GYS1: variants seen among roughly 807,000 people sequenced by gnomAD.
The protein encoded by GYS1 is glycogen synthase 1.
Under a neutral mutation model 89.1 loss-of-function variants are expected in GYS1, and 60 were observed. The ratio of observed to expected loss-of-function variants is 0.67; its 90% confidence interval spans 0.55 to 0.84. The LOEUF is 0.84. Ranked by LOEUF, GYS1 falls within the 40% of genes least tolerant of loss-of-function variation. GYS1 has a pLI of 0.00. For synonymous variants in GYS1, 366 were observed against 401.7 expected, an observed-to-expected ratio of 0.91 and a Z score of 1.06; for missense variants, 888 against 1,003.1, an observed-to-expected ratio of 0.89 and a Z score of 1.55.
At chr19:48,977,624 T>C (rs1228543721) in intron 10 of GYS1, among the ~76,000 whole-genome samples, 1 of 151,948 alleles carries the variant, frequency 6.6e-6, no homozygotes, top group East Asian at 1.9e-4. Context: ...TAAAAATAAA[T>C]AAACAAATAA....
Position 48,991,517 on chromosome 19 carries a change from C to A in GYS1, c.119-34G>T. 6.2e-7 allele frequency: 1 copy of A among 1,612,582 alleles called. No individual in the cohort carries two copies. The highest frequency in any genetic ancestry group is 8.5e-7 in the Non-Finnish European group (1 of 1,179,250). On this transcript the variant is annotated intron_variant, in intron 1 of 15. Coordinates refer to ENST00000323798, the MANE Select transcript of GYS1 (RefSeq NM_002103.5). The surrounding 1 kb of genome is among the most constrained non-coding windows in gnomAD (Gnocchi z 4.7). Reference sequence around the variant, plus strand: ...CCAAGCGTGTGAGGGCAGGCCCCGGCCGAGGTCCATAGTTCTGGGGCCTGG... The same window carrying A: ...CCAAGCGTGTGAGGGCAGGCCCCGGACGAGGTCCATAGTTCTGGGGCCTGG...
Position 48,970,544 on chromosome 19 carries a change from AC to A in GYS1, c.1809+1del. 6.2e-7 allele frequency: 1 copy of A among 1,613,070 alleles called. No individual in the cohort carries two copies. Among genetic ancestry groups the A allele is most frequent in the Non-Finnish European group, 8.5e-7 (1 of 1,179,614 alleles). On this transcript the variant is annotated splice_donor_variant, in intron 14 of 15. Transcript: ENST00000323798. LOFTEE classifies it high-confidence loss of function. ...GAGAGGATAGGAAAGTGGGGGTCCT[AC>A]CCGGCCTAGGTATTTCCAGTCCAGA...
chr19:48,969,142 G>A lies in GYS1; in HGVS notation c.*146C>T, dbSNP rs113438180. The A allele has an allele frequency of 1.0e-5, 7 of 690,614 alleles. No individual in the cohort carries two copies. The highest frequency in any genetic ancestry group is 9.0e-5 in the African/African-American group (5 of 55,748). 42.8% of individuals were successfully genotyped at this position (690,614 alleles called of 1,614,324 possible). On this transcript the variant is annotated 3_prime_UTR_variant, in exon 16 of 16. Transcript: ENST00000323798. ...AGGAACTTGGAAACTGGAGCTGGAG[G>A]GGGTGGAGTGTTTGGCGGACTGGGT...
At chr19:48,978,875 G>GC (rs2038703421) in intron 8 of GYS1, among the ~76,000 whole-genome samples, 1 of 152,136 alleles carries the variant, frequency 6.6e-6, no homozygotes, top group Non-Finnish European at 1.5e-5. Context: ...TGAGGTGTGA[G>GC]CAGGGAAGCC....
At chr19:48,987,527 G>A in intron 2 of GYS1, 142 bp from the exon 3 acceptor site, 2 of 621,448 alleles carry the variant, frequency 3.2e-6, no homozygotes, top group Non-Finnish European at 5.5e-6. Context: ...CATATCTGCT[G>A]CTAATTTCTC....
At chr19:48,982,431 C>T in intron 6 of GYS1, 56 bp from the exon 7 acceptor site, 1 of 1,608,762 alleles carries the variant, frequency 6.2e-7, no homozygotes, top group Non-Finnish European at 8.5e-7. Flanking sequence ...TAGCCCTGGC[C>T]TCAAAACTAC....
At chr19:48,970,434 T>C in intron 14 of GYS1, 112 bp downstream of exon 14, 2 of 926,684 alleles carry the variant, frequency 2.2e-6, no homozygotes, top group Non-Finnish European at 3.5e-6. Flanking sequence ...GGTTCATTGC[T>C]TAAAGGGACA....
chr19:48,982,482 A>G, intron 6 of GYS1, 107 bp from the exon 7 acceptor site: 1 of 1,331,892 alleles, frequency 7.5e-7, no homozygotes, highest in Non-Finnish European at 1.1e-6. Flanking sequence ...AGGATGTCTT[A>G]GGTAATACAG....
intron 2 of GYS1, among the ~76,000 whole-genome samples, chr19:48,988,056 C>T (rs967603461): frequency 2.0e-5 from 3 of 152,318 alleles, no homozygotes; most frequent in African/African-American, 4.8e-5. Flanking sequence ...CCCGCCTCGG[C>T]GTCCCAAAGT....
At position 48,993,088 on chromosome 19, in the gene GYS1, T is replaced by C; in HGVS notation, c.25A>G (p.Met9Val). The C allele has an allele frequency of 1.2e-6, 2 of 1,610,264 alleles. No homozygotes were observed. The highest frequency in any genetic ancestry group is 1.7e-6 in the Non-Finnish European group (2 of 1,176,628). Reference sequence around the variant, plus strand: ...TCCTCCAGTCCTGGCAGTGAGGACATGGACAAAGTGCGGTTTAAAGGCATG... The same window carrying C: ...TCCTCCAGTCCTGGCAGTGAGGACACGGACAAAGTGCGGTTTAAAGGCATG... MPLNRTLSMSSLPGLEDWE... is the reference protein window; with the variant it reads MPLNRTLSVSSLPGLEDWE... The change falls in exon 1 of 16, where the codon ATG becomes GTG. Residue 9 changes from methionine (M) to valine (V), a missense_variant. Coordinates refer to ENST00000323798, the MANE Select transcript of GYS1 (RefSeq NM_002103.5).
At chr19:48,987,763 A>C (rs1368869071) in intron 2 of GYS1, among the ~76,000 whole-genome samples, 1 of 151,222 alleles carries the variant, frequency 6.6e-6, no homozygotes, top group Non-Finnish European at 1.5e-5. Context: ...CAGCCTCCCA[A>C]GTAGCTGGGA....
Position 48,969,246 on chromosome 19 carries a change from G to T in GYS1, c.*42C>A. 1 of 1,479,630 alleles carries T rather than the reference G, an allele frequency of 6.8e-7. No homozygotes were observed. Among genetic ancestry groups the T allele is most frequent in the South Asian group, 1.2e-5 (1 of 81,220 alleles). 91.7% of individuals were successfully genotyped at this position (1,479,630 alleles called of 1,614,324 possible). On this transcript the variant is annotated 3_prime_UTR_variant, in exon 16 of 16. Transcript: ENST00000323798. ...AGCACCCCTCTGCATCCTCTCTCTG[G>T]AGCAGAGAGGCAGGACAGGCGGGGA...
Position 48,974,736 on chromosome 19 carries a change from G to A in GYS1, c.1309-3C>T, listed in dbSNP as rs1272688135. The A allele has an allele frequency of 2.5e-6, 4 of 1,597,106 alleles. No homozygotes were observed. The African/African-American group carries it at 4.0e-5, about 16-fold the overall frequency. ...CACACAGGGGGGAAAGACTGCCGCT[G>A]CAGGAGCCACAAGAAGGGTAAGGGG... On this transcript the variant is annotated splice_polypyrimidine_tract_variant and splice_region_variant and intron_variant, in intron 10 of 15. Transcript: ENST00000323798.
chr19:48,986,697 A>T (rs1241515495), intron 3 of GYS1, among the ~76,000 whole-genome samples: 1 of 152,030 alleles, frequency 6.6e-6, no homozygotes, highest in Admixed American at 6.6e-5. Context: ...TGTTTAGTAA[A>T]GACGAGGTTT....
chr19:48,978,885 C>T (rs573145483), intron 8 of GYS1, among the ~76,000 whole-genome samples: 6 of 152,146 alleles, frequency 3.9e-5, no homozygotes, highest in East Asian at 1.9e-4. Flanking sequence ...GCAGGGAAGC[C>T]GTGCCCTGGG....
intron 12 of GYS1, among the ~76,000 whole-genome samples, chr19:48,971,347 T>C (rs2038562932): frequency 1.3e-5 from 2 of 152,160 alleles, no homozygotes; most frequent in Non-Finnish European, 1.5e-5. Flanking sequence ...CCAAGGTCCA[T>C]CATTCTACTT....
At chr19:48,981,942 G>C (rs1276545092) in intron 7 of GYS1, among the ~76,000 whole-genome samples, 1 of 152,088 alleles carries the variant, frequency 6.6e-6, no homozygotes, top group Non-Finnish European at 1.5e-5. Context: ...GCCCAGGCTG[G>C]AGTGCAGTGA....
At position 48,978,252 on chromosome 19, in the gene GYS1, T is replaced by A. The variant is rs2038692442; in HGVS notation, c.1170-95A>T. ...TTTGTTTGTTTATTTTGAGACGGAG[T>A]TTGGCTCTTGTTGCCCAGGCTGGAA... On this transcript the variant is annotated intron_variant, in intron 8 of 15. Transcript: ENST00000323798. 2.7e-6 allele frequency: 3 copies of A among 1,126,626 alleles called. No individual in the cohort carries two copies. The East Asian group carries it at 7.0e-5, about 26-fold the overall frequency. The allele number at this position is 1,126,626 out of a possible 1,614,324, so 69.8% of individuals were successfully genotyped here.
chr19:48,992,639 A>T lies in GYS1; in HGVS notation c.118+356T>A, dbSNP rs556026259. Among the ~76,000 whole-genome samples the T allele has an allele frequency of 4.6e-5, 7 of 152,168 alleles. No individual in the cohort carries two copies. In the East Asian group the frequency reaches 1.4e-3, roughly 29 times the overall value. ...CATGCTGTTAGGGTCATAGGTCTGA[A>T]ACCCCGGCAGCTTCCCAGGTTTGCA... On this transcript the variant is annotated intron_variant, in intron 1 of 15. Transcript: ENST00000323798.
Sources: gnomAD v4.1 joint callset for allele counts (sites outside exome capture counted in the v4.1 genomes callset) on GRCh38, gnomAD v4.1.1 for gene constraint, Gnocchi (gnomAD v3.1) non-coding constraint, MANE v1.5 for transcripts, NCBI Gene and HGNC (gene_info 2026-07-23, HGNC 2026-07-21) for gene names.